The following C3orf52 variants were observed in gnomAD, a reference collection of about 807,000 sequenced individuals.
The protein encoded by C3orf52 is chromosome 3 open reading frame 52.
C3orf52 carries 22 observed loss-of-function variants against 24.8 expected under a neutral mutation model. The ratio of observed to expected loss-of-function variants is 0.89; its 90% CI spans 0.63 to 1.27. The LOEUF (loss-of-function observed/expected upper bound fraction) is 1.27, where lower values mean the gene tolerates loss of function less well. Ranked by LOEUF, C3orf52 falls within the 50% of genes most tolerant of loss-of-function variation. C3orf52 has a pLI of 0.00. For missense variants in C3orf52, 265 were observed against 260.7 expected (o/e 1.02, Z -0.11); for synonymous variants, 93 against 100.2 (o/e 0.93, Z 0.43).
chr3:112,092,182 G>T (rs991108131), intron 1 of C3orf52, among the ~76,000 whole-genome samples: 4 of 152,120 alleles, frequency 2.6e-5, no homozygotes, highest in African/African-American at 9.7e-5. Context: ...TTTAGCAGAT[G>T]CTTTGTGTCC....
At chr3:112,129,291 C>T (rs2074398649), downstream of C3orf52, 1 of 152,122 alleles carries the variant, frequency 6.6e-6, no homozygotes, top group Non-Finnish European at 1.5e-5. Context: ...ACTCCTGAGG[C>T]CACAGTTTTT....
At chr3:112,112,023 A>C (rs1291955195) in intron 4 of C3orf52, 1 of 152,248 alleles carries the variant, frequency 6.6e-6, no homozygotes, top group Non-Finnish European at 1.5e-5. Context: ...TAGCAGGGGC[A>C]GTGGCCTGAT....
chr3:112,099,858 T>C (rs1045901950), intron 2 of C3orf52, among the ~76,000 whole-genome samples: 2 of 152,230 alleles, frequency 1.3e-5, no homozygotes, highest in African/African-American at 2.4e-5. Context: ...CAAGGCACCA[T>C]GCAGGATACT....
chr3:112,113,407 T>C (rs924486105), intron 5 of C3orf52, among the ~76,000 whole-genome samples: 7 of 152,218 alleles, frequency 4.6e-5, no homozygotes, highest in African/African-American at 1.7e-4. Flanking sequence ...ACTATAAAGA[T>C]GAACATTGCT....
intron 2 of C3orf52, among the ~76,000 whole-genome samples, chr3:112,100,151 C>G (rs536121859): frequency 3.9e-5 from 6 of 152,304 alleles, no homozygotes; most frequent in Admixed American, 1.3e-4. Flanking sequence ...CTCCTCGTTT[C>G]ATTTATCCCA....
At chr3:112,101,421 TG>T (rs2073971077) in intron 2 of C3orf52, among the ~76,000 whole-genome samples, 1 of 152,164 alleles carries the variant, frequency 6.6e-6, no homozygotes, top group Non-Finnish European at 1.5e-5. Flanking sequence ...GGGTTTTCAC[TG>T]GGGCTTGGTC....
chr3:112,092,911 A>C (rs868849300), intron 1 of C3orf52, among the ~76,000 whole-genome samples: 1 of 152,182 alleles, frequency 6.6e-6, no homozygotes, highest in Non-Finnish European at 1.5e-5. Flanking sequence ...TCAAGTTTCC[A>C]GTGCACACCC....
intron 4 of C3orf52, among the ~76,000 whole-genome samples, chr3:112,111,163 C>T (rs372579002): frequency 7.9e-5 from 12 of 152,246 alleles, no homozygotes; most frequent in African/African-American, 2.2e-4. Flanking sequence ...GAGCTGAGAT[C>T]GCACCATTGC....
chr3:112,086,998 A>C (rs534891323), intron 1 of C3orf52, among the ~76,000 whole-genome samples: 2 of 150,236 alleles, frequency 1.3e-5, no homozygotes, highest in South Asian at 4.2e-4. Context: ...CCCTCCACCC[A>C]CCTCGCCGCA....
In C3orf52 at chr3:112,117,523, C is replaced by G. The variant is rs2074147287; in HGVS notation, c.*877C>G. The G allele has an allele frequency of 6.6e-6, 1 of 152,558 alleles. No individual in the cohort carries two copies. Among genetic ancestry groups the G allele is most frequent in the Non-Finnish European group, 1.5e-5 (1 of 68,334 alleles). 9.5% of individuals were successfully genotyped at this position (152,558 alleles called of 1,614,324 possible). On this transcript the variant is annotated 3_prime_UTR_variant, in exon 6 of 6. Transcript: ENST00000264848. ...ACTCCATTTATATTTTTATAAACTT[C>G]CATTAGAGAATCATTAAGGCTGTTT...
chr3:112,127,025 AT>A (rs762814436), intron 4 of C3orf52: 6 of 1,582,298 alleles, frequency 3.8e-6, no homozygotes, highest in East Asian at 2.2e-5. Flanking sequence ...AAAAATGAGT[AT>A]TTTTTTCCTG....
In C3orf52 at chr3:112,117,229, G is replaced by C; in HGVS notation, c.*583G>C. The C allele has an allele frequency of 2.0e-6, 1 of 498,960 alleles. No individual in the cohort carries two copies. The highest frequency in any genetic ancestry group is 1.9e-5 in the African/African-American group (1 of 52,680). 30.9% of individuals were successfully genotyped at this position (498,960 alleles called of 1,614,324 possible). A position where few individuals can be genotyped will look rare whatever the true frequency, so the allele number is the denominator to read the frequency against. On this transcript the variant is annotated 3_prime_UTR_variant, in exon 6 of 6. Coordinates refer to ENST00000264848, the MANE Select transcript of C3orf52 (RefSeq NM_024616.3). ...TCGATTTGATCTACCTCTAAGCCAG[G>C]CTGTGAAGAAAAGGAAGGCACTTTA...
At chr3:112,109,651 T>A in intron 4 of C3orf52, 38 bp downstream of exon 4, 13 of 1,262,474 alleles carry the variant, frequency 1.0e-5, no homozygotes, top group Non-Finnish European at 1.5e-5. Flanking sequence ...TCTCTTTCTC[T>A]GGAAAGAGAT....
intron 3 of C3orf52, among the ~76,000 whole-genome samples, chr3:112,108,691 A>C (rs2074050320): frequency 6.6e-6 from 1 of 152,210 alleles, no homozygotes; most frequent in African/African-American, 2.4e-5. Flanking sequence ...CTTAAATGTA[A>C]TTTTGAGTGA....
chr3:112,120,356 A>T (rs1321299589), downstream of C3orf52, among the ~76,000 whole-genome samples: 1 of 152,214 alleles, frequency 6.6e-6, no homozygotes, highest in Non-Finnish European at 1.5e-5. Context: ...TATCCGAAGC[A>T]TCTATCACTC....
downstream of C3orf52, chr3:112,130,396 G>C (rs765462486): frequency 3.4e-6 from 5 of 1,484,612 alleles, no homozygotes; most frequent in African/African-American, 6.9e-5. Flanking sequence ...GACATACTTC[G>C]TTCTCCTTGG....
At chr3:112,097,505 G>A (rs187849725) in intron 2 of C3orf52, among the ~76,000 whole-genome samples, 1 of 152,266 alleles carries the variant, frequency 6.6e-6, no homozygotes, top group Non-Finnish European at 1.5e-5. Flanking sequence ...AAGTGACGTT[G>A]TGTTGAGTGG....
chr3:112,125,170 G>T, intron 4 of C3orf52: 1 of 1,115,530 alleles, frequency 9.0e-7, no homozygotes, highest in South Asian at 1.2e-5. Context: ...CTGCCATTTA[G>T]GGTGTCTGTA....
chr3:112,131,986 C>T (rs906230863), downstream of C3orf52, among the ~76,000 whole-genome samples: 1 of 151,944 alleles, frequency 6.6e-6, no homozygotes, highest in Non-Finnish European at 1.5e-5. Context: ...TTTTTTTGCA[C>T]TTATTCAGTG....
Sources: gnomAD v4.1 joint callset for allele counts (sites outside exome capture counted in the v4.1 genomes callset) on GRCh38, gnomAD v4.1.1 for gene constraint, MANE v1.5 for transcripts, NCBI Gene and HGNC (gene_info 2026-07-23, HGNC 2026-07-21) for gene names.